Variants in RALGPS2 observed in about 807,000 individuals in gnomAD.
RALGPS2 encodes ras-specific guanine nucleotide-releasing factor RalGPS2.
In RALGPS2, 43 loss-of-function variants were observed where a neutral mutation model predicts 86.8. The observed-to-expected ratio is 0.50, with a 90% CI of 0.39 to 0.64. The LOEUF (loss-of-function observed/expected upper bound fraction) is 0.64. Among genes scored for constraint, RALGPS2 ranks in the 30% least tolerant of loss-of-function variants. RALGPS2 has a pLI of 0.00. For missense variants in RALGPS2, 536 were observed against 694.6 expected (o/e 0.77, Z 2.57); for synonymous variants, 243 against 231.3 (o/e 1.05, Z -0.46).
chr1:178,845,034 T>C (rs1656800975), intron 8 of RALGPS2, among the ~76,000 whole-genome samples: 1 of 150,488 alleles, frequency 6.6e-6, no homozygotes. Flanking sequence ...TACAAAAAAT[T>C]AGCTGGGTGT....
At chr1:178,822,803 A>G (rs1414517177) in intron 7 of RALGPS2, among the ~76,000 whole-genome samples, 3 of 152,224 alleles carry the variant, frequency 2.0e-5, no homozygotes, top group East Asian at 3.9e-4. Flanking sequence ...TTATATCTTT[A>G]AAGTTTTAGG....
intron 4 of RALGPS2, among the ~76,000 whole-genome samples, chr1:178,786,959 G>A (rs560657052): frequency 6.6e-6 from 1 of 151,882 alleles, no homozygotes; most frequent in African/African-American, 2.4e-5. Flanking sequence ...ATGATCGTCA[G>A]TTCCCATCAT....
chr1:178,896,905 A>G (rs1311708250), intron 16 of RALGPS2, among the ~76,000 whole-genome samples: 1 of 150,710 alleles, frequency 6.6e-6, no homozygotes, highest in Non-Finnish European at 1.5e-5. Context: ...TATTGTGAAT[A>G]ATGCCGCAAT....
intron 18 of RALGPS2, among the ~76,000 whole-genome samples, chr1:178,906,275 C>T (rs1660383546): frequency 6.6e-6 from 1 of 151,496 alleles, no homozygotes; most frequent in African/African-American, 2.4e-5. Flanking sequence ...ATTGGGAGGC[C>T]GAGACACGAG....
chr1:178,912,414 A>G (rs1036591793), intron 19 of RALGPS2, among the ~76,000 whole-genome samples: 9 of 152,104 alleles, frequency 5.9e-5, no homozygotes, highest in Non-Finnish European at 1.3e-4. Flanking sequence ...TGCTTGTCTG[A>G]AAAGGATTTT....
chr1:178,750,292 G>A (rs1442184103), intron 1 of RALGPS2, among the ~76,000 whole-genome samples: 2 of 152,238 alleles, frequency 1.3e-5, no homozygotes, highest in Non-Finnish European at 2.9e-5. Context: ...AGCAGCCATA[G>A]ACAACACATA....
intron 6 of RALGPS2, among the ~76,000 whole-genome samples, chr1:178,812,070 A>G (rs761148049): frequency 2.0e-4 from 31 of 152,202 alleles, no homozygotes; most frequent in Non-Finnish European, 3.1e-4. Context: ...GTAACAAAAG[A>G]CAAGTTAATG....
intron 1 of RALGPS2, among the ~76,000 whole-genome samples, chr1:178,759,108 C>T (rs745506335): frequency 1.8e-4 from 28 of 152,064 alleles, no homozygotes; most frequent in Admixed American, 7.2e-4. Context: ...GCTTTGGTTG[C>T]CTGTGCTTGT....
At chr1:178,790,799 G>A (rs1653914519) in intron 4 of RALGPS2, among the ~76,000 whole-genome samples, 1 of 152,152 alleles carries the variant, frequency 6.6e-6, no homozygotes, top group South Asian at 2.1e-4. Flanking sequence ...TCTTGCTACT[G>A]ATAAGTTAAA....
chr1:178,880,265 T>C (rs1036989988), intron 10 of RALGPS2, among the ~76,000 whole-genome samples: 1 of 152,208 alleles, frequency 6.6e-6, no homozygotes, highest in African/African-American at 2.4e-5. Flanking sequence ...TAAAAAATTT[T>C]GTAGAACAGA....
rs1275852511 is a variant in RALGPS2 at position 178,843,482 on chromosome 1, A to G, written c.607+9932A>G. On this transcript the variant is annotated intron_variant, in intron 8 of 19. Transcript: ENST00000367635. The stretch of plus-strand genomic sequence containing the variant: ...ATCACATGGACACAGGAAGGGGAAT[A>G]TCACACTCTGGGGACTGTGGTGGGG... Among the ~76,000 whole-genome samples the G allele has an allele frequency of 4.4e-5, 6 of 135,180 alleles. No individual in the cohort carries two copies. The East Asian group carries it at 7.0e-4, about 16-fold the overall frequency. The allele number at this position is 135,180 out of a possible 152,430, so 88.7% of individuals were successfully genotyped here. A position where few individuals can be genotyped will look rare whatever the true frequency, so the allele number is the denominator to read the frequency against.
intron 8 of RALGPS2, among the ~76,000 whole-genome samples, chr1:178,874,319 A>G (rs1202413267): frequency 1.3e-5 from 2 of 152,202 alleles, no homozygotes; most frequent in Non-Finnish European, 2.9e-5. Flanking sequence ...TTTTACATTA[A>G]TTTTTCATGT....
chr1:178,780,226 T>A (rs1398839906), intron 2 of RALGPS2, among the ~76,000 whole-genome samples: 1 of 152,158 alleles, frequency 6.6e-6, no homozygotes, highest in Non-Finnish European at 1.5e-5. Flanking sequence ...CACACAGGGT[T>A]GAGAATACCA....
At chr1:178,886,202 CCA>C in intron 13 of RALGPS2, 82 bp downstream of exon 13, 28 of 1,401,850 alleles carry the variant, frequency 2.0e-5, no homozygotes, top group Non-Finnish European at 2.7e-5. Context: ...AAAACCCCAC[CCA>C]CACACAGAGA....
chr1:178,775,344 T>A (rs1653026660), intron 1 of RALGPS2, among the ~76,000 whole-genome samples: 1 of 152,166 alleles, frequency 6.6e-6, no homozygotes, highest in Non-Finnish European at 1.5e-5. Flanking sequence ...GAAAGGAAAC[T>A]TAGCATTGAA....
intron 18 of RALGPS2, among the ~76,000 whole-genome samples, chr1:178,906,189 A>G (rs1660380433): frequency 1.3e-5 from 2 of 152,172 alleles, no homozygotes; most frequent in African/African-American, 2.4e-5. Flanking sequence ...CCTAGCCAAC[A>G]TGGTGAAACC....
chr1:178,746,590 C>A, intron 1 of RALGPS2: 1 of 706,108 alleles, frequency 1.4e-6, no homozygotes. Context: ...GGTTAGCGAG[C>A]CTCACTTAAG....
At chr1:178,882,892 A>G (rs1659320093) in intron 10 of RALGPS2, among the ~76,000 whole-genome samples, 1 of 152,222 alleles carries the variant, frequency 6.6e-6, no homozygotes, top group Non-Finnish European at 1.5e-5. Flanking sequence ...CTGGTTTGTT[A>G]GATGGTTAGT....
chr1:178,746,995 C>A, intron 1 of RALGPS2: 1 of 930,520 alleles, frequency 1.1e-6, no homozygotes, highest in Non-Finnish European at 1.8e-6. Context: ...TTTCTGTATA[C>A]TAGAATCTCC....
Sources: gnomAD v4.1 joint callset for allele counts (sites outside exome capture counted in the v4.1 genomes callset) on GRCh38, gnomAD v4.1.1 for gene constraint, MANE v1.5 for transcripts, NCBI Gene and HGNC (gene_info 2026-07-23, HGNC 2026-07-21) for gene names.